DGKI: variants seen among roughly 807,000 people sequenced by gnomAD.
DGKI encodes diacylglycerol kinase iota, also known as DAG kinase iota.
A neutral mutation model predicts 147.5 loss-of-function variants in DGKI; 55 were observed. The ratio of observed to expected loss-of-function variants is 0.37; its 90% CI spans 0.30 to 0.47. DGKI has a LOEUF of 0.47. Among genes scored for constraint, DGKI ranks in the 20% least tolerant of loss-of-function variants. The pLI is 1.00. For missense variants in DGKI, 1,007 were observed against 1,323.8 expected, an observed-to-expected ratio of 0.76 and a Z score of 3.71; for synonymous variants, 469 against 477.1, an observed-to-expected ratio of 0.98 and a Z score of 0.22.
rs71533759 is a variant in DGKI, at chr7:137,588,475, C to CTTTTTTTTTTTTTTT, written c.1312-1280_1312-1266dup. Among the ~76,000 whole-genome samples, 14 of 116,686 alleles carry CTTTTTTTTTTTTTTT rather than the reference C, an allele frequency of 1.2e-4. 1 individual carries two copies. Among genetic ancestry groups the CTTTTTTTTTTTTTTT allele is most frequent in the African/African-American group, 4.7e-4 (13 of 27,466 alleles). 76.6% of individuals were successfully genotyped at this position (116,686 alleles called of 152,430 possible). On this transcript the variant is annotated intron_variant, in intron 12 of 32. Coordinates refer to ENST00000614521, the MANE Select transcript of DGKI (RefSeq NM_001321708.2). ...TAACACAAAGATGGACATACCGATG[C>CTTTTTTTTTTTTTTT]TTTTTTTTTTTTTTTTTTTGAGATG...
intron 1 of DGKI, among the ~76,000 whole-genome samples, chr7:137,693,395 CT>C (rs1823677851): frequency 6.6e-6 from 1 of 152,084 alleles, no homozygotes; most frequent in African/African-American, 2.4e-5. Context: ...ACAAATGCTT[CT>C]TTGAAAAGAA....
intron 28 of DGKI, among the ~76,000 whole-genome samples, chr7:137,440,509 CT>C (rs1231696079): frequency 6.6e-6 from 1 of 152,158 alleles, no homozygotes. Flanking sequence ...TCAATCATGT[CT>C]TTGGTTTTCC....
chr7:137,384,033 T>C lies in DGKI; in HGVS notation c.*7187A>G, dbSNP rs1811119401. On this transcript the variant is annotated 3_prime_UTR_variant, in exon 33 of 33. Coordinates refer to ENST00000614521, the MANE Select transcript of DGKI (RefSeq NM_001321708.2). ...CCTCTATGTATATGACTATGTATTA[T>C]CATAACACTTAGCTTGCATACCCAC... The C allele has an allele frequency of 6.6e-6, 1 of 152,096 alleles. No individual in the cohort carries two copies. Among genetic ancestry groups the C allele is most frequent in the Non-Finnish European group, 1.5e-5 (1 of 67,966 alleles). The allele number at this position is 152,096 out of a possible 1,614,324, so 9.4% of individuals were successfully genotyped here.
At chr7:137,775,669 C>T (rs762350849) in intron 1 of DGKI, among the ~76,000 whole-genome samples, 1 of 151,998 alleles carries the variant, frequency 6.6e-6, no homozygotes, top group Non-Finnish European at 1.5e-5. Context: ...AAGTATGCAC[C>T]GAAGCAGACA....
chr7:137,582,524 G>C (rs753374221), intron 14 of DGKI, among the ~76,000 whole-genome samples: 16 of 151,358 alleles, frequency 1.1e-4, no homozygotes, highest in African/African-American at 1.7e-4. Flanking sequence ...GGTTATTGCT[G>C]GCCTAGAGAG....
At chr7:137,450,175 GT>G (rs1813895881) in intron 27 of DGKI, among the ~76,000 whole-genome samples, 2 of 152,140 alleles carry the variant, frequency 1.3e-5, no homozygotes, top group African/African-American at 4.8e-5. Context: ...AGTAGACAAA[GT>G]TACAGTTAGA....
intron 22 of DGKI, among the ~76,000 whole-genome samples, chr7:137,486,327 G>T (rs1274415030): frequency 6.6e-6 from 1 of 151,998 alleles, no homozygotes; most frequent in South Asian, 2.1e-4. Context: ...GTGAAGTCTT[G>T]TTAACAAAGC....
At chr7:137,585,414 G>T (rs529095690) in intron 13 of DGKI, 68 bp from the exon 14 acceptor site, 3 of 1,541,544 alleles carry the variant, frequency 1.9e-6, no homozygotes, top group Admixed American at 2.0e-5. Flanking sequence ...GCTATTTTAC[G>T]CAAGGAAGAG....
intron 29 of DGKI, 107 bp from the exon 30 acceptor site, chr7:137,408,102 C>G (rs1309196039): frequency 7.4e-7 from 1 of 1,357,868 alleles, no homozygotes; most frequent in Non-Finnish European, 1.0e-6. Context: ...ATGTTTCCAG[C>G]CTTAGAGGAC....
chr7:137,725,502 C>T (rs1794692300), intron 1 of DGKI, among the ~76,000 whole-genome samples: 1 of 151,792 alleles, frequency 6.6e-6, no homozygotes, highest in Non-Finnish European at 1.5e-5. Flanking sequence ...ACGATAAAGC[C>T]TTGGGGCTTG....
chr7:137,649,005 T>C (rs377606802), intron 5 of DGKI, among the ~76,000 whole-genome samples: 1 of 152,188 alleles, frequency 6.6e-6, no homozygotes, highest in Non-Finnish European at 1.5e-5. Context: ...TGAGTAATTG[T>C]CTCCAAACTA....
chr7:137,397,281 T>C (rs1811587610), intron 31 of DGKI, 96 bp downstream of exon 31: 4 of 1,208,346 alleles, frequency 3.3e-6, no homozygotes. Flanking sequence ...TTAATTAAGT[T>C]AAAATTACCT....
At chr7:137,723,699 CTTTTTTTTTTTTTTTTT>C (rs769605042) in intron 1 of DGKI, among the ~76,000 whole-genome samples, 1 of 104,436 alleles carries the variant, frequency 9.6e-6, no homozygotes, top group African/African-American at 4.6e-5. Flanking sequence ...CATGATATCC[CTTTTTTTTTTTTTTTTT>C]TTTTTTTTTT....
chr7:137,789,744 T>C (rs1796791807), intron 1 of DGKI, among the ~76,000 whole-genome samples: 1 of 152,184 alleles, frequency 6.6e-6, no homozygotes, highest in South Asian at 2.1e-4. Context: ...TGTATTTTGA[T>C]ACACAAGCAA....
intron 1 of DGKI, among the ~76,000 whole-genome samples, chr7:137,817,899 G>T (rs947975354): frequency 6.6e-6 from 1 of 152,162 alleles, no homozygotes; most frequent in African/African-American, 2.4e-5. Flanking sequence ...CACAGCAGGG[G>T]CTAACATCAG....
intron 5 of DGKI, among the ~76,000 whole-genome samples, chr7:137,649,897 ATATT>A (rs1821965326): frequency 6.6e-6 from 1 of 151,830 alleles, no homozygotes; most frequent in African/African-American, 2.4e-5. Context: ...ACTCCAACAA[ATATT>A]TATTTAAAAC....
intron 1 of DGKI, among the ~76,000 whole-genome samples, chr7:137,750,451 A>G (rs1795463192): frequency 6.6e-6 from 1 of 152,138 alleles, no homozygotes; most frequent in Non-Finnish European, 1.5e-5. Context: ...CCTGGCACAT[A>G]GTAGGTGCTT....
rs1811139307 is a variant in DGKI, at chr7:137,384,818, A to G, written c.*6402T>C. The G allele has an allele frequency of 6.6e-6, 1 of 152,122 alleles. No individual in the cohort carries two copies. The highest frequency in any genetic ancestry group is 2.4e-5 in the African/African-American group (1 of 41,430). The allele number at this position is 152,122 out of a possible 1,614,324, so 9.4% of individuals were successfully genotyped here. The stretch of plus-strand genomic sequence containing the variant: ...GTCTGAGGGAAAAGATAATTTCAGT[A>G]TTTCCCACTATCAAAGCCTCCCATT... On this transcript the variant is annotated 3_prime_UTR_variant, in exon 33 of 33. Transcript: ENST00000614521.
intron 1 of DGKI, among the ~76,000 whole-genome samples, chr7:137,739,768 T>G (rs1315084772): frequency 7.1e-6 from 1 of 140,970 alleles, no homozygotes; most frequent in African/African-American, 2.6e-5. Flanking sequence ...CCAGAGAAAG[T>G]TGTTTTTGGT....
Sources: gnomAD v4.1 joint callset for allele counts (sites outside exome capture counted in the v4.1 genomes callset) on GRCh38, gnomAD v4.1.1 for gene constraint, MANE v1.5 for transcripts, NCBI Gene and HGNC (gene_info 2026-07-23, HGNC 2026-07-21) for gene names.